The following ABTB3 variants were observed in gnomAD, a reference collection of about 807,000 sequenced individuals.
ABTB3 encodes ankyrin repeat- and BTB/POZ domain-containing protein 3.
At chr12:107,322,532 A>G in the ABTB3 span, among the ~76,000 whole-genome samples, 1 of 152,260 alleles carries the variant, frequency 6.6e-6, no homozygotes, top group Non-Finnish European at 1.5e-5. Flanking sequence ...CATACCTTAC[A>G]TAATAGATTT....
chr12:107,351,845 G>T, the ABTB3 span, among the ~76,000 whole-genome samples: 9 of 152,120 alleles, frequency 5.9e-5, no homozygotes, highest in African/African-American at 2.2e-4. Context: ...ATATCTGTTT[G>T]TGTGTGACCT....
At chr12:107,439,583 C>G in the ABTB3 span, among the ~76,000 whole-genome samples, 1 of 152,226 alleles carries the variant, frequency 6.6e-6, no homozygotes, top group South Asian at 2.1e-4. Flanking sequence ...CTCAGCTTCC[C>G]TCTTTTCTCC....
chr12:107,423,434 C>T, the ABTB3 span, among the ~76,000 whole-genome samples: 1 of 152,166 alleles, frequency 6.6e-6, no homozygotes, highest in Non-Finnish European at 1.5e-5. Flanking sequence ...TGTTCTCTAA[C>T]CACCTGAAGA....
chr12:107,589,820 A>C, the ABTB3 span, among the ~76,000 whole-genome samples: 3 of 152,244 alleles, frequency 2.0e-5, no homozygotes, highest in Non-Finnish European at 4.4e-5. Flanking sequence ...GGGGCCCAAT[A>C]AATAATTGTT....
At chr12:107,483,119 C>T in the ABTB3 span, among the ~76,000 whole-genome samples, 1 of 151,700 alleles carries the variant, frequency 6.6e-6, no homozygotes, top group East Asian at 1.9e-4. Context: ...CCTTAACCTC[C>T]TAGGCTTGAG....
the ABTB3 span, among the ~76,000 whole-genome samples, chr12:107,332,167 C>T: frequency 6.6e-6 from 1 of 152,200 alleles, no homozygotes; most frequent in African/African-American, 2.4e-5. Context: ...TGATCTCACG[C>T]TCCTGACCTC....
At chr12:107,581,415 C>T in the ABTB3 span, 2 of 921,624 alleles carry the variant, frequency 2.2e-6, no homozygotes, top group Non-Finnish European at 2.9e-6. Context: ...CACACCTCGG[C>T]GGCGCTGGGG....
At chr12:107,385,476 T>G in the ABTB3 span, among the ~76,000 whole-genome samples, 3 of 152,208 alleles carry the variant, frequency 2.0e-5, no homozygotes, top group Non-Finnish European at 4.4e-5. Flanking sequence ...TGACAAATAT[T>G]AGTTATTTGA....
At chr12:107,467,989 A>G in the ABTB3 span, among the ~76,000 whole-genome samples, 3 of 152,146 alleles carry the variant, frequency 2.0e-5, no homozygotes, top group African/African-American at 7.2e-5. Flanking sequence ...CAGGAAGAAG[A>G]AAAGGAGGCA....
At chr12:107,488,702 T>C in the ABTB3 span, among the ~76,000 whole-genome samples, 2 of 150,942 alleles carry the variant, frequency 1.3e-5, no homozygotes, top group African/African-American at 4.9e-5. Context: ...AAATTTACCA[T>C]TTTAACAATT....
the ABTB3 span, chr12:107,620,030 G>T: frequency 6.2e-7 from 1 of 1,613,988 alleles, no homozygotes; most frequent in Non-Finnish European, 8.5e-7. Context: ...TTTGCGGATC[G>T]CCTTCCAGCA....
At chr12:107,491,266 C>G in the ABTB3 span, among the ~76,000 whole-genome samples, 7 of 152,160 alleles carry the variant, frequency 4.6e-5, no homozygotes, top group Non-Finnish European at 1.0e-4. Context: ...CCCCACATGC[C>G]CAGCCTTCAC....
chr12:107,443,291 G>A, the ABTB3 span, among the ~76,000 whole-genome samples: 2 of 152,000 alleles, frequency 1.3e-5, no homozygotes, highest in Non-Finnish European at 2.9e-5. Context: ...AAAGGGGCCA[G>A]GACCAGTTGC....
chr12:107,654,462 C>A, the ABTB3 span, among the ~76,000 whole-genome samples: 1 of 152,116 alleles, frequency 6.6e-6, no homozygotes, highest in Non-Finnish European at 1.5e-5. Context: ...CCATGCCTGG[C>A]TAATTTTTGT....
chr12:107,392,026 G>C, the ABTB3 span, among the ~76,000 whole-genome samples: 1 of 152,194 alleles, frequency 6.6e-6, no homozygotes, highest in Non-Finnish European at 1.5e-5. Context: ...GTTACTTACT[G>C]TCTCTGAGCA....
the ABTB3 span, among the ~76,000 whole-genome samples, chr12:107,329,911 A>G: frequency 6.6e-6 from 1 of 152,248 alleles, no homozygotes; most frequent in African/African-American, 2.4e-5. Context: ...ATGTAAATTT[A>G]CAACTGGTGA....
the ABTB3 span, among the ~76,000 whole-genome samples, chr12:107,607,765 C>A: frequency 2.0e-5 from 3 of 152,198 alleles, no homozygotes. Flanking sequence ...CCTGGATTCC[C>A]ATTCCGGAAT....
the ABTB3 span, among the ~76,000 whole-genome samples, chr12:107,590,216 C>T: frequency 6.6e-6 from 1 of 152,218 alleles, no homozygotes; most frequent in Non-Finnish European, 1.5e-5. Context: ...GCCCAGCCTC[C>T]TTTACTAATT....
chr12:107,458,599 A>G, the ABTB3 span, among the ~76,000 whole-genome samples: 2 of 152,192 alleles, frequency 1.3e-5, no homozygotes, highest in African/African-American at 4.8e-5. Flanking sequence ...TACTGATGGG[A>G]AAATGAGATC....
Sources: allele counts gnomAD v4.1 joint callset (sites outside exome capture counted in the v4.1 genomes callset), GRCh38; gene constraint gnomAD v4.1.1; transcripts MANE v1.5; gene names NCBI Gene and HGNC (gene_info 2026-07-23, HGNC 2026-07-21).